CAMK2G: variants seen among roughly 807,000 people sequenced by gnomAD.
CAMK2G encodes the protein calcium/calmodulin-dependent protein kinase type II subunit gamma.
A neutral mutation model predicts 88.7 loss-of-function variants in CAMK2G; 23 were observed. The observed-to-expected ratio is 0.26, with a 90% CI of 0.19 to 0.37. CAMK2G has a LOEUF of 0.37. Ranked by LOEUF, CAMK2G falls within the 10% of genes least tolerant of loss-of-function variation. CAMK2G has a pLI of 1.00. For missense variants in CAMK2G, 476 were observed against 780.8 expected (o/e 0.61, Z 4.65); for synonymous variants, 263 against 294.8 (o/e 0.89, Z 1.11).
chr10:73,871,789 C>G (rs1327777172), intron 2 of CAMK2G, among the ~76,000 whole-genome samples: 1 of 152,126 alleles, frequency 6.6e-6, no homozygotes, highest in Admixed American at 6.5e-5. Flanking sequence ...TAGTGCCCTA[C>G]TAGAGGGATG....
At chr10:73,826,386 T>C (rs531243897) in intron 15 of CAMK2G, among the ~76,000 whole-genome samples, 1 of 152,126 alleles carries the variant, frequency 6.6e-6, no homozygotes, top group African/African-American at 2.4e-5. Flanking sequence ...TGAGCCAAGA[T>C]TGCACCACTG....
chr10:73,846,864 T>C (rs926160822), intron 10 of CAMK2G: 6 of 214,296 alleles, frequency 2.8e-5, no homozygotes, highest in African/African-American at 4.6e-5. Flanking sequence ...TCCAGTGGAG[T>C]TGAGATCTGA....
At chr10:73,816,288 C>G in intron 21 of CAMK2G, 2 of 990,086 alleles carry the variant, frequency 2.0e-6, no homozygotes, top group Non-Finnish European at 2.4e-6. Context: ...CCACAACTTC[C>G]GATCTCGCAA....
intron 15 of CAMK2G, among the ~76,000 whole-genome samples, chr10:73,826,716 C>CAGATGATACAG (rs2091056602): frequency 6.6e-6 from 1 of 152,204 alleles, no homozygotes; most frequent in Admixed American, 6.5e-5. Flanking sequence ...ACAGATGATA[C>CAGATGATACAG]ATCGACAGCT....
chr10:73,871,568 C>T lies in CAMK2G; in HGVS notation c.160+1421G>A, dbSNP rs890759056. Among the ~76,000 whole-genome samples the T allele has an allele frequency of 3.3e-5, 5 of 152,198 alleles. No homozygotes were observed. The East Asian group carries it at 9.6e-4, about 29-fold the overall frequency. ...AGCCTCAAGCCATTGTTCCTGCCTG[C>T]ACCTTCCATCCTTGGCCAGAGGATG... is the stretch of plus-strand genomic sequence containing the variant. On this transcript the variant is annotated intron_variant, in intron 2 of 22. Coordinates refer to ENST00000423381, the MANE Select transcript of CAMK2G (RefSeq NM_001367534.1).
chr10:73,820,358 G>A (rs1458555764), intron 18 of CAMK2G, among the ~76,000 whole-genome samples: 3 of 151,050 alleles, frequency 2.0e-5, no homozygotes, highest in Admixed American at 6.6e-5. Context: ...ACCAAATGTG[G>A]CCTCACGGTT....
chr10:73,847,068 T>G, intron 10 of CAMK2G, 157 bp downstream of exon 10: 1 of 674,534 alleles, frequency 1.5e-6, no homozygotes, highest in East Asian at 2.8e-5. Flanking sequence ...CCTGGTGACA[T>G]TTATTGACCC....
chr10:73,838,607 C>T (rs1253369231), intron 13 of CAMK2G, among the ~76,000 whole-genome samples: 1 of 152,234 alleles, frequency 6.6e-6, no homozygotes, highest in Non-Finnish European at 1.5e-5. Context: ...TGTGTTCCAT[C>T]TCTCTCCAGT....
At chr10:73,824,690 C>G (rs1589953639) in intron 16 of CAMK2G, among the ~76,000 whole-genome samples, 1 of 152,196 alleles carries the variant, frequency 6.6e-6, no homozygotes, top group East Asian at 1.9e-4. Flanking sequence ...TTCCCAGTCA[C>G]CCCCCTGCTG....
At chr10:73,820,464 T>TA (rs2087623930) in intron 18 of CAMK2G, among the ~76,000 whole-genome samples, 46 of 74,080 alleles carry the variant, frequency 6.2e-4, no homozygotes, top group East Asian at 4.4e-4. Flanking sequence ...GGTTTTATAT[T>TA]TATATATATA....
chr10:73,870,075 A>T (rs986661925), intron 2 of CAMK2G, among the ~76,000 whole-genome samples: 2 of 152,242 alleles, frequency 1.3e-5, no homozygotes, highest in Non-Finnish European at 2.9e-5. Flanking sequence ...ATGCATATGA[A>T]TAAAGATAAG....
chr10:73,865,625 G>C (rs1332640306), intron 2 of CAMK2G, among the ~76,000 whole-genome samples: 2 of 152,186 alleles, frequency 1.3e-5, no homozygotes, highest in African/African-American at 4.8e-5. Flanking sequence ...GTGGTTTCTA[G>C]AGCATCTTTC....
chr10:73,847,145 G>C, intron 10 of CAMK2G, 80 bp downstream of exon 10: 1 of 1,447,052 alleles, frequency 6.9e-7, no homozygotes, highest in Non-Finnish European at 9.7e-7. Context: ...ATCTCTGCTG[G>C]TAAGAAGGAG....
At chr10:73,818,372 C>T in intron 19 of CAMK2G, 1 of 258,592 alleles carries the variant, frequency 3.9e-6, no homozygotes, top group Non-Finnish European at 7.9e-6. Flanking sequence ...CTGGTGATGT[C>T]CTGCCGGCAT....
chr10:73,838,643 G>T (rs2093476203), intron 13 of CAMK2G, among the ~76,000 whole-genome samples: 1 of 152,130 alleles, frequency 6.6e-6, no homozygotes, highest in Non-Finnish European at 1.5e-5. Flanking sequence ...TCCATTACGA[G>T]AATTCTGACT....
intron 14 of CAMK2G, among the ~76,000 whole-genome samples, chr10:73,832,663 A>G (rs185727739): frequency 6.6e-6 from 1 of 152,206 alleles, no homozygotes. Context: ...TCTGCACTTT[A>G]TTTTTCACTT....
In CAMK2G at chr10:73,816,459, A is replaced by G. The variant is rs78550584; in HGVS notation, c.1534+564T>C. ...CGTCTTGGAAAGAGGTGAGGCTTAA[A>G]TAATTTTTTCTTTTTTTTTGAGATG... is the stretch of plus-strand genomic sequence containing the variant. On this transcript the variant is annotated intron_variant, in intron 21 of 22. Coordinates refer to ENST00000423381, the MANE Select transcript of CAMK2G (RefSeq NM_001367534.1). 50 of 1,094,752 alleles carry G rather than the reference A, an allele frequency of 4.6e-5. 1 individual carries two copies. In the East Asian group the frequency reaches 1.8e-3, roughly 40 times the overall value. 67.8% of individuals were successfully genotyped at this position (1,094,752 alleles called of 1,614,324 possible).
chr10:73,823,216 CTTAT>C (rs2089675003), intron 17 of CAMK2G, among the ~76,000 whole-genome samples: 1 of 151,722 alleles, frequency 6.6e-6, no homozygotes, highest in African/African-American at 2.4e-5. Flanking sequence ...TAGATTTTAT[CTTAT>C]TTATTTTTTT....
rs1274013719 is a variant in CAMK2G at position 73,818,295 on chromosome 10, T to A, written c.1364-741A>T. On this transcript the variant is annotated intron_variant, in intron 19 of 22. Coordinates refer to ENST00000423381, the MANE Select transcript of CAMK2G (RefSeq NM_001367534.1). ...CAGGAAAACCAGACAGGGCTCAGAC[T>A]GACAGGCAGGCAGAGGTGGTGCCCT... The A allele has an allele frequency of 5.4e-5, 11 of 205,112 alleles. No homozygotes were observed. In the East Asian group the frequency reaches 7.9e-4, roughly 15 times the overall value. 12.7% of individuals were successfully genotyped at this position (205,112 alleles called of 1,614,324 possible).
Sources: gnomAD v4.1 joint callset for allele counts (sites outside exome capture counted in the v4.1 genomes callset) on GRCh38, gnomAD v4.1.1 for gene constraint, MANE v1.5 for transcripts, NCBI Gene and HGNC (gene_info 2026-07-23, HGNC 2026-07-21) for gene names.